Variants in STAB1 observed in about 807,000 individuals in gnomAD.
STAB1 encodes stabilin-1.
Under a neutral mutation model 332.4 loss-of-function variants are expected in STAB1, and 250 were observed. That is an observed-to-expected ratio of 0.75 (90% CI 0.68 to 0.84). STAB1 has a LOEUF of 0.84. STAB1 is among the 40% of genes least tolerant of loss of function. STAB1 has a pLI of 0.00. For synonymous variants in STAB1, 1,475 were observed against 1,390.4 expected, an observed-to-expected ratio of 1.06 and a Z score of -1.35; for missense variants, 3,249 against 3,489.7, an observed-to-expected ratio of 0.93 and a Z score of 1.74.
chr3:52,515,451 G>T lies in STAB1; in HGVS notation c.3893G>T (p.Arg1298Leu), dbSNP rs765231140. The T allele has an allele frequency of 5.6e-6, 9 of 1,613,296 alleles. No individual in the cohort carries two copies. The highest frequency in any genetic ancestry group is 7.6e-6 in the Non-Finnish European group (9 of 1,180,024). Residue 1298 changes from arginine (R) to leucine (L), a missense_variant, in exon 37 of 69, where the codon CGA becomes CTA. Physicochemically the swap from Arg to Leu is moderately radical, Grantham distance 102. Transcript: ENST00000321725. ...QDTPRKSCVYRSGFSFSRGCS... is the reference protein window; with the variant it reads ...QDTPRKSCVYLSGFSFSRGCS... ...ACACCCAGGAAGAGCTGTGTCTACCGATCTGGCTTCTCCTTCTCCCGGGGC... is the reference window on the plus strand; with the variant it reads ...ACACCCAGGAAGAGCTGTGTCTACCTATCTGGCTTCTCCTTCTCCCGGGGC...
intron 18 of STAB1, 48 bp from the exon 19 acceptor site, chr3:52,507,565 A>C: frequency 6.3e-7 from 1 of 1,579,914 alleles, no homozygotes; most frequent in Non-Finnish European, 8.6e-7. Context: ...TGCCGAGTAA[A>C]TAAACAATGA....
At chr3:52,516,959 G>A (rs763272357) in intron 41 of STAB1, 25 bp from the exon 42 acceptor site, 1 of 1,610,114 alleles carries the variant, frequency 6.2e-7, no homozygotes, top group Admixed American at 1.7e-5. Flanking sequence ...CTGCTCCTGA[G>A]GACTCTCTGG....
intron 54 of STAB1, 35 bp downstream of exon 54, chr3:52,520,733 TGGGGG>T: frequency 1.9e-6 from 1 of 515,032 alleles, no homozygotes. Context: ...GGTGGTGGGG[TGGGGG>T]CAGGCAGAGC....
At chr3:52,508,869 T>C (rs576292473) in intron 21 of STAB1, among the ~76,000 whole-genome samples, 1 of 152,230 alleles carries the variant, frequency 6.6e-6, no homozygotes, top group African/African-American at 2.4e-5. Flanking sequence ...GATAGATAGA[T>C]TTTTTGGCAT....
chr3:52,507,598 C>T lies in STAB1; in HGVS notation c.1990-15C>T. ...TGACTAACCCCTCTCCCCATCCTGC[C>T]CCTGCCCTGCCCAGGGCTCCTGTGT... On this transcript the variant is annotated splice_polypyrimidine_tract_variant and intron_variant, in intron 18 of 68. Transcript: ENST00000321725. 6 of 1,612,462 alleles carry T rather than the reference C, an allele frequency of 3.7e-6. No individual in the cohort carries two copies. The highest frequency in any genetic ancestry group is 1.1e-5 in the South Asian group (1 of 90,942).
rs2153233049 is a variant in STAB1, at chr3:52,503,914, T to C, written c.1022+12T>C. 1 of 1,610,734 alleles carries C rather than the reference T, an allele frequency of 6.2e-7. No individual in the cohort carries two copies. Among genetic ancestry groups the C allele is most frequent in the Non-Finnish European group, 8.5e-7 (1 of 1,178,594 alleles). ...GATGGGAAGACCAGGTGAGCACAGG[T>C]GCCTGGGAGCAGAGACAGTGGGTTG... On this transcript the variant is annotated intron_variant, in intron 9 of 68. Coordinates refer to ENST00000321725, the MANE Select transcript of STAB1 (RefSeq NM_015136.3).
chr3:52,519,629 T>C (rs1015416294), intron 50 of STAB1, 65 bp downstream of exon 50: 3 of 1,598,594 alleles, frequency 1.9e-6, no homozygotes, highest in Non-Finnish European at 2.6e-6. Context: ...TGCAAGTGTG[T>C]ATGCGTACCT....
intron 1 of STAB1, among the ~76,000 whole-genome samples, chr3:52,497,770 G>A (rs1165893636): frequency 6.6e-6 from 1 of 152,150 alleles, no homozygotes; most frequent in Admixed American, 6.5e-5. Context: ...TCTGAGGAGG[G>A]TCCTGGAACC....
intron 1 of STAB1, among the ~76,000 whole-genome samples, chr3:52,499,703 A>T (rs1708296580): frequency 6.7e-6 from 1 of 150,116 alleles, no homozygotes; most frequent in African/African-American, 2.4e-5. Context: ...ATCGAGACCA[A>T]CCCCGCTAAA....
rs139441421 is a variant in STAB1, at chr3:52,501,208, C to T, written c.121C>T (p.His41Tyr). 1 of 1,613,650 alleles carries T rather than the reference C, an allele frequency of 6.2e-7. No homozygotes were observed. The highest frequency in any genetic ancestry group is 8.5e-7 in the Non-Finnish European group (1 of 1,180,018). The stretch of plus-strand genomic sequence containing the variant: ...TGATGTGAAAACCACGTTTGTCACT[C>T]ATGTACCCTGCACCTCGTGCGCGGC... Reference protein sequence around the residue: ...GCDVKTTFVTHVPCTSCAAIK... With the variant: ...GCDVKTTFVTYVPCTSCAAIK... The change falls in exon 2 of 69, where the codon CAT becomes TAT. Residue 41 changes from histidine to tyrosine, a missense_variant. His to Tyr is a moderately conservative substitution (Grantham distance 83). Coordinates refer to ENST00000321725, the MANE Select transcript of STAB1 (RefSeq NM_015136.3).
At position 52,518,865 on chromosome 3, in the gene STAB1, G is replaced by C. The variant is rs752757479; in HGVS notation, c.5030G>C (p.Arg1677Thr). Residue 1677 changes from arginine (R) to threonine (T), a missense_variant, in exon 48 of 69, where the codon AGG (arginine) becomes ACG (threonine). By Grantham distance (71) the Arg-to-Thr change is moderately conservative. Transcript: ENST00000321725. ...LSGHPLRFSE[R>T]EGSIYLNDFA... ...GGGCACCCACTGCGCTTCAGCGAGA[G>C]GGAGGTGAGCCCTGGCCCTGGCCTG... 24 of 1,585,114 alleles carry C rather than the reference G, an allele frequency of 1.5e-5. No individual in the cohort carries two copies. The highest frequency in any genetic ancestry group is 2.1e-5 in the Non-Finnish European group (24 of 1,170,428).
At chr3:52,496,844 T>C (rs1307300906) in intron 1 of STAB1, among the ~76,000 whole-genome samples, 1 of 152,192 alleles carries the variant, frequency 6.6e-6, no homozygotes, top group Non-Finnish European at 1.5e-5. Context: ...TGCTGGCCAC[T>C]CTAACACAGC....
At chr3:52,504,417 G>A in intron 10 of STAB1, 44 bp from the exon 11 acceptor site, 3 of 1,601,718 alleles carry the variant, frequency 1.9e-6, no homozygotes, top group Non-Finnish European at 2.6e-6. Flanking sequence ...GATCCCCAGA[G>A]TCTCCCCAGC....
chr3:52,498,896 G>A (rs908464708), intron 1 of STAB1, among the ~76,000 whole-genome samples: 3 of 152,216 alleles, frequency 2.0e-5, no homozygotes, highest in Non-Finnish European at 4.4e-5. Context: ...CAGCTCCGCC[G>A]TTCAACACAG....
At chr3:52,513,341 G>C (rs915573450) in intron 30 of STAB1, 100 bp downstream of exon 30, 2 of 1,175,178 alleles carry the variant, frequency 1.7e-6, no homozygotes, top group Middle Eastern at 2.9e-4. Context: ...CATGGGATGA[G>C]ATTGGGGTCC....
intron 22 of STAB1, 102 bp from the exon 23 acceptor site, chr3:52,509,768 G>T: frequency 7.6e-7 from 1 of 1,309,844 alleles, no homozygotes; most frequent in Non-Finnish European, 1.1e-6. Flanking sequence ...AGTCAAATCT[G>T]TACTGGCTGC....
Position 52,518,799 on chromosome 3 carries a change from G to C in STAB1, c.4964G>C (p.Ser1655Thr). ...GTGGTTGGCTGTCGGCGGCTGCGGA[G>C]CGAGGACCTGCTGGAGCAGGGGTAC... ...YHVVGCRRLR[S>T]EDLLEQGYAT... The change falls in exon 48 of 69, where the codon AGC (serine) becomes ACC (threonine). Residue 1655 changes from serine to threonine, a missense_variant. Physicochemically the swap from Ser to Thr is moderately conservative, Grantham distance 58 (BLOSUM62 1). Coordinates refer to ENST00000321725, the MANE Select transcript of STAB1 (RefSeq NM_015136.3). 1 of 1,611,750 alleles carries C rather than the reference G, an allele frequency of 6.2e-7. No homozygotes were observed. The highest frequency in any genetic ancestry group is 8.5e-7 in the Non-Finnish European group (1 of 1,179,726).
rs1453846075 is a variant in STAB1, at chr3:52,517,481, G to A, written c.4564-69G>A. On this transcript the variant is annotated intron_variant, in intron 43 of 68. Coordinates refer to ENST00000321725, the MANE Select transcript of STAB1 (RefSeq NM_015136.3). ...TCAGGGCAGGCCCGGGGAGGGGGGTGACCCTTTTACCCAGGGTGCTGGCCA... is the reference window on the plus strand; with the variant it reads ...TCAGGGCAGGCCCGGGGAGGGGGGTAACCCTTTTACCCAGGGTGCTGGCCA... 1.9e-6 allele frequency: 3 copies of A among 1,593,628 alleles called. No individual in the cohort carries two copies. The African/African-American group carries it at 4.0e-5, about 21-fold the overall frequency.
At chr3:52,499,153 T>C (rs528550011) in intron 1 of STAB1, among the ~76,000 whole-genome samples, 1 of 152,360 alleles carries the variant, frequency 6.6e-6, no homozygotes, top group East Asian at 1.9e-4. Context: ...ACATCTCCAC[T>C]TCTCTGGGCC....
Sources: allele counts gnomAD v4.1 joint callset (sites outside exome capture counted in the v4.1 genomes callset), GRCh38; gene constraint gnomAD v4.1.1; transcripts MANE v1.5; gene names NCBI Gene and HGNC (gene_info 2026-07-23, HGNC 2026-07-21).